Variants in TMEM132C observed in about 807,000 individuals in gnomAD.
The protein encoded by TMEM132C is protein phosphatase 1, regulatory subunit 152.
TMEM132C carries 29 observed loss-of-function variants against 61.4 expected under a neutral mutation model. That is an observed-to-expected ratio of 0.47 (90% confidence interval 0.35 to 0.64). TMEM132C has a LOEUF of 0.64. Ranked by LOEUF, TMEM132C falls within the 30% of genes least tolerant of loss-of-function variation. The pLI, the probability that TMEM132C is intolerant of heterozygous loss-of-function variation, is 0.00. For synonymous variants in TMEM132C, 656 were observed against 633.1 expected, an observed-to-expected ratio of 1.04 and a Z score of -0.54; for missense variants, 1,408 against 1,476.9, an observed-to-expected ratio of 0.95 and a Z score of 0.76.
At chr12:128,591,532 A>T (rs1242887378) in intron 3 of TMEM132C, among the ~76,000 whole-genome samples, 1 of 152,138 alleles carries the variant, frequency 6.6e-6, no homozygotes, top group Non-Finnish European at 1.5e-5. Context: ...CTGGGCTTTT[A>T]TGAATAAATG....
intron 2 of TMEM132C, among the ~76,000 whole-genome samples, chr12:128,509,967 T>C (rs142871972): frequency 6.6e-6 from 1 of 152,318 alleles, no homozygotes; most frequent in Non-Finnish European, 1.5e-5. Flanking sequence ...TTTATCATCA[T>C]ACCTTGGTCC....
At chr12:128,438,762 C>A (rs1318365446) in intron 2 of TMEM132C, 1 of 152,130 alleles carries the variant, frequency 6.6e-6, no homozygotes, top group African/African-American at 2.4e-5. Context: ...GTTACTCATC[C>A]CTCCTGTCTC....
intron 1 of TMEM132C, among the ~76,000 whole-genome samples, chr12:128,375,274 C>T (rs1339654573): frequency 6.6e-6 from 1 of 152,120 alleles, no homozygotes; most frequent in Non-Finnish European, 1.5e-5. Context: ...CACGGGAGGG[C>T]TCCTCTGTCA....
At chr12:128,565,264 C>G (rs1183053462) in intron 3 of TMEM132C, among the ~76,000 whole-genome samples, 3 of 152,204 alleles carry the variant, frequency 2.0e-5, no homozygotes, top group Non-Finnish European at 4.4e-5. Flanking sequence ...AGATCCTTCT[C>G]CAACTATGCC....
chr12:128,535,297 A>G (rs1272010142), intron 2 of TMEM132C, among the ~76,000 whole-genome samples: 3 of 152,242 alleles, frequency 2.0e-5, no homozygotes, highest in Non-Finnish European at 4.4e-5. Context: ...CAGAGTGAAC[A>G]GGCAACCTAC....
chr12:128,469,019 C>T (rs923635725), intron 2 of TMEM132C, among the ~76,000 whole-genome samples: 2 of 152,148 alleles, frequency 1.3e-5, no homozygotes, highest in Admixed American at 6.5e-5. Context: ...GTTAGAAACA[C>T]AAAGAATTCA....
chr12:128,507,056 T>C (rs904819181), intron 2 of TMEM132C, among the ~76,000 whole-genome samples: 3 of 152,170 alleles, frequency 2.0e-5, no homozygotes, highest in Admixed American at 2.0e-4. Context: ...AGTCCTGGTT[T>C]ACCTGGCTTT....
intron 2 of TMEM132C, among the ~76,000 whole-genome samples, chr12:128,519,088 G>A (rs184346654): frequency 2.0e-3 from 308 of 152,194 alleles, no homozygotes; most frequent in African/African-American, 7.1e-3. Flanking sequence ...TATTTGTGTG[G>A]GGGTGTTAAA....
At position 128,634,276 on chromosome 12, in the gene TMEM132C, A is replaced by C. The variant is rs117427830; in HGVS notation, c.1305+17941A>C. Among the ~76,000 whole-genome samples the C allele has an allele frequency of 5.5e-4, 84 of 152,302 alleles. 1 individual carries two copies. In the East Asian group the frequency reaches 0.015, roughly 27 times the overall value. On this transcript the variant is annotated intron_variant, in intron 4 of 8. Transcript: ENST00000435159. ...CCTTTTGTAGAGACACGGTCTCACT[A>C]TGTTGCCCAGCTAGTCTCAAACTCC...
chr12:128,660,348 A>G (rs1012380242), intron 4 of TMEM132C, among the ~76,000 whole-genome samples: 4 of 151,940 alleles, frequency 2.6e-5, no homozygotes, highest in East Asian at 1.9e-4. Context: ...AGCCAGTTCT[A>G]TAGGAGAAGT....
At chr12:128,590,216 C>T (rs1038432819) in intron 3 of TMEM132C, among the ~76,000 whole-genome samples, 8 of 152,164 alleles carry the variant, frequency 5.3e-5, no homozygotes, top group South Asian at 2.1e-4. Flanking sequence ...CACAAGGGAT[C>T]TGGGACAAGG....
chr12:128,444,915 T>C (rs1275461590), intron 2 of TMEM132C, among the ~76,000 whole-genome samples: 1 of 152,168 alleles, frequency 6.6e-6, no homozygotes, highest in East Asian at 1.9e-4. Flanking sequence ...TATTTTTCAA[T>C]CTGACGGAGA....
chr12:128,511,483 A>T (rs1450441504), intron 2 of TMEM132C, among the ~76,000 whole-genome samples: 1 of 152,326 alleles, frequency 6.6e-6, no homozygotes, highest in African/African-American at 2.4e-5. Flanking sequence ...GTTCCTTACT[A>T]AGAGGGACAT....
At chr12:128,380,181 C>T (rs1479846497) in intron 1 of TMEM132C, among the ~76,000 whole-genome samples, 1 of 152,242 alleles carries the variant, frequency 6.6e-6, no homozygotes, top group Non-Finnish European at 1.5e-5. Context: ...AAGGAAGCTT[C>T]AGAAAGATGG....
At chr12:128,701,481 C>T (rs188530103) in intron 8 of TMEM132C, among the ~76,000 whole-genome samples, 2 of 152,318 alleles carry the variant, frequency 1.3e-5, no homozygotes, top group East Asian at 3.9e-4. Context: ...GGATCTTCAG[C>T]TACAGCTACA....
intron 1 of TMEM132C, among the ~76,000 whole-genome samples, chr12:128,400,603 T>G (rs1386809991): frequency 6.7e-6 from 1 of 149,226 alleles, no homozygotes; most frequent in Non-Finnish European, 1.5e-5. Context: ...TCTTTTGTTT[T>G]TTTTTTTTTT....
Position 128,360,679 on chromosome 12 carries a change from A to T in TMEM132C, c.86-54053A>T, listed in dbSNP as rs138923313. Among the ~76,000 whole-genome samples, 191 of 152,190 alleles carry T rather than the reference A, an allele frequency of 1.3e-3. 1 individual carries two copies. Among genetic ancestry groups the T allele is most frequent in the African/African-American group, 4.4e-3 (184 of 41,514 alleles). ...GACCGTGGTGAATGGTGAAGGGAAA[A>T]GTCCATCAGACACTCTCTTCCTGGA... is the stretch of plus-strand genomic sequence containing the variant. On this transcript the variant is annotated intron_variant, in intron 1 of 8. Coordinates refer to ENST00000435159, the MANE Select transcript of TMEM132C (RefSeq NM_001136103.3).
intron 3 of TMEM132C, among the ~76,000 whole-genome samples, chr12:128,610,488 C>T (rs1233143530): frequency 6.6e-6 from 1 of 152,128 alleles, no homozygotes; most frequent in Non-Finnish European, 1.5e-5. Flanking sequence ...TGAGTAAGAG[C>T]TTTTTAAGCC....
chr12:128,665,311 G>GCA (rs372285965), intron 4 of TMEM132C, among the ~76,000 whole-genome samples: 2 of 107,948 alleles, frequency 1.9e-5, no homozygotes, highest in Non-Finnish European at 3.6e-5. Flanking sequence ...ACACAAACAG[G>GCA]CACACACACA....
Sources: allele counts gnomAD v4.1 joint callset (sites outside exome capture counted in the v4.1 genomes callset), GRCh38; gene constraint gnomAD v4.1.1; transcripts MANE v1.5; gene names NCBI Gene and HGNC (gene_info 2026-07-23, HGNC 2026-07-21).